The following ARB2A variants were observed in gnomAD, a reference collection of about 807,000 sequenced individuals.
ARB2A encodes cotranscriptional regulator ARB2A.
At chr5:93,840,155 T>G in the ARB2A span, among the ~76,000 whole-genome samples, 1 of 152,212 alleles carries the variant, frequency 6.6e-6, no homozygotes, top group Non-Finnish European at 1.5e-5. Flanking sequence ...TAAAATTCCC[T>G]CTTAACACTG....
the ARB2A span, among the ~76,000 whole-genome samples, chr5:93,661,706 G>A: frequency 6.6e-6 from 1 of 152,040 alleles, no homozygotes; most frequent in Admixed American, 6.6e-5. Context: ...AAAAGTTTAC[G>A]AATTTGTGTT....
the ARB2A span, chr5:93,739,755 T>C: frequency 6.6e-6 from 1 of 152,024 alleles, no homozygotes; most frequent in South Asian, 2.1e-4. Flanking sequence ...AAAACCATTA[T>C]AAGAGATCAA....
chr5:93,656,231 T>C, the ARB2A span, among the ~76,000 whole-genome samples: 1 of 152,324 alleles, frequency 6.6e-6, no homozygotes, highest in South Asian at 2.1e-4. Flanking sequence ...GAGAAAAGAA[T>C]ACACTGTTAT....
chr5:93,904,869 T>C, the ARB2A span, among the ~76,000 whole-genome samples: 1 of 151,810 alleles, frequency 6.6e-6, no homozygotes, highest in East Asian at 1.9e-4. Context: ...TATTACACCC[T>C]TGACAAAATT....
chr5:93,838,123 GT>G, the ARB2A span, among the ~76,000 whole-genome samples: 1 of 152,012 alleles, frequency 6.6e-6, no homozygotes, highest in Non-Finnish European at 1.5e-5. Flanking sequence ...TTCCTGAAGG[GT>G]TTTTATAGTT....
the ARB2A span, among the ~76,000 whole-genome samples, chr5:93,811,144 G>A: frequency 6.6e-6 from 1 of 152,028 alleles, no homozygotes; most frequent in African/African-American, 2.4e-5. Context: ...AGGTCAATTC[G>A]ATTTAGTTGG....
the ARB2A span, among the ~76,000 whole-genome samples, chr5:94,097,767 C>G: frequency 2.0e-5 from 3 of 152,164 alleles, no homozygotes; most frequent in African/African-American, 4.8e-5. Context: ...CACCCGCCCA[C>G]AGCCTCCCCC....
At chr5:94,053,072 TATAGATAGATAGATAGATAGATAG>T in the ARB2A span, 2 of 638,518 alleles carry the variant, frequency 3.1e-6, no homozygotes, top group African/African-American at 1.9e-5. Flanking sequence ...TTGCATATAC[TATAGATAGATAGATAGATAGATAG>T]ATAGATAGAT....
At chr5:94,030,373 C>A in the ARB2A span, among the ~76,000 whole-genome samples, 5 of 152,326 alleles carry the variant, frequency 3.3e-5, no homozygotes, top group African/African-American at 1.2e-4. Flanking sequence ...TTGGCAAAAT[C>A]CTGTTTATTG....
the ARB2A span, among the ~76,000 whole-genome samples, chr5:93,832,395 T>C: frequency 6.6e-6 from 1 of 152,168 alleles, no homozygotes; most frequent in Non-Finnish European, 1.5e-5. Flanking sequence ...AAAGCTATGG[T>C]ATACCATGTT....
the ARB2A span, chr5:93,738,452 TCCA>T: frequency 6.6e-6 from 1 of 152,174 alleles, no homozygotes; most frequent in African/African-American, 2.4e-5. Flanking sequence ...TATGTATACA[TCCA>T]AGAGAACTGA....
the ARB2A span, among the ~76,000 whole-genome samples, chr5:94,032,184 T>C: frequency 3.3e-5 from 5 of 152,194 alleles, no homozygotes; most frequent in Non-Finnish European, 7.3e-5. Flanking sequence ...TGTAACTCTG[T>C]GTTAGGCTGT....
At chr5:93,786,447 T>G in the ARB2A span, among the ~76,000 whole-genome samples, 1 of 152,196 alleles carries the variant, frequency 6.6e-6, no homozygotes, top group Non-Finnish European at 1.5e-5. Context: ...AATATGATAC[T>G]CTCTTACACT....
At chr5:93,982,034 A>T in the ARB2A span, among the ~76,000 whole-genome samples, 1 of 152,190 alleles carries the variant, frequency 6.6e-6, no homozygotes. Flanking sequence ...TAGGAGTGGT[A>T]ATTCAGCATC....
the ARB2A span, among the ~76,000 whole-genome samples, chr5:93,840,485 G>A: frequency 2.0e-5 from 3 of 152,052 alleles, no homozygotes; most frequent in East Asian, 1.9e-4. Flanking sequence ...CTTGTTAAGT[G>A]GTAACTCCAC....
the ARB2A span, among the ~76,000 whole-genome samples, chr5:93,810,459 GTGGTCCAAC>G: frequency 6.6e-6 from 1 of 152,078 alleles, no homozygotes; most frequent in Admixed American, 6.6e-5. Flanking sequence ...ATAGAGTACA[GTGGTCCAAC>G]CACGGCTCAC....
At chr5:94,029,417 G>T in the ARB2A span, among the ~76,000 whole-genome samples, 3 of 152,050 alleles carry the variant, frequency 2.0e-5, no homozygotes, top group Admixed American at 6.6e-5. Flanking sequence ...TTATCTTTTC[G>T]TATGTCCTGT....
the ARB2A span, among the ~76,000 whole-genome samples, chr5:94,105,321 A>T: frequency 6.6e-6 from 1 of 152,064 alleles, no homozygotes. Flanking sequence ...TGTCAAAAAA[A>T]TCAGTAGCAT....
the ARB2A span, chr5:93,620,953 G>A: frequency 6.3e-7 from 1 of 1,596,512 alleles, no homozygotes; most frequent in South Asian, 1.1e-5. Flanking sequence ...GGGTGGGTGC[G>A]CCAGGGCGGC....
Sources: allele counts gnomAD v4.1 joint callset (sites outside exome capture counted in the v4.1 genomes callset), GRCh38; gene constraint gnomAD v4.1.1; transcripts MANE v1.5; gene names NCBI Gene and HGNC (gene_info 2026-07-23, HGNC 2026-07-21).